The following ELFN1 variants were observed in gnomAD, a reference collection of about 807,000 sequenced individuals.
ELFN1 encodes the protein protein ELFN1.
ELFN1 carries 6 observed loss-of-function variants against 7.6 expected under a neutral mutation model. The observed-to-expected ratio is 0.79, with a 90% CI of 0.43 to 1.56. The LOEUF is 1.56. Ranked by LOEUF, ELFN1 falls within the 40% of genes most tolerant of loss-of-function variation. The probability of loss-of-function intolerance (pLI) is 0.01; values close to 1 mark genes in which losing one functional copy is unlikely to be tolerated. For missense variants in ELFN1, 1,169 were observed against 1,232.2 expected, an observed-to-expected ratio of 0.95 and a Z score of 0.77; for synonymous variants, 657 against 588.1, an observed-to-expected ratio of 1.12 and a Z score of -1.70.
intron 2 of ELFN1, among the ~76,000 whole-genome samples, chr7:1,701,673 A>T (rs1230424648): frequency 6.6e-6 from 1 of 152,092 alleles, no homozygotes; most frequent in Non-Finnish European, 1.5e-5. Flanking sequence ...ACAGATGTGC[A>T]TGCTTGTAGT....
At chr7:1,692,280 A>G (rs1221874972) in intron 2 of ELFN1, 1 of 152,420 alleles carries the variant, frequency 6.6e-6, no homozygotes, top group East Asian at 1.9e-4. Context: ...GGATTGCCAG[A>G]GGGTTCTGTG....
chr7:1,746,859 C>G lies in ELFN1; in HGVS notation c.2263C>G (p.Pro755Ala), dbSNP rs1054957619. ...CGACCTCGCCTACTCGCAGCTGTCC[C>G]CGCAGTACCACAGCCTGAGCTACTC... The part of the protein sequence containing the change: ...PRDLAYSQLS[P>A]QYHSLSYSSS... The change falls in exon 4 of 4, where the codon CCG (proline) becomes GCG (alanine). Residue 755 changes from proline (P) to alanine (A), a missense_variant. Transcript: ENST00000424383. 3.2e-6 allele frequency: 5 copies of G among 1,541,162 alleles called. No individual in the cohort carries two copies. The highest frequency in any genetic ancestry group is 4.4e-6 in the Non-Finnish European group (5 of 1,142,558).
At chr7:1,692,793 A>G (rs1208490306) in intron 2 of ELFN1, 2 of 158,068 alleles carry the variant, frequency 1.3e-5, no homozygotes, top group Non-Finnish European at 2.8e-5. Context: ...CTGAGCTTCT[A>G]TTAATATTTC....
chr7:1,745,872 C>T lies in ELFN1; in HGVS notation c.1276C>T (p.Leu426Phe), dbSNP rs1331398697. 6.9e-6 allele frequency: 11 copies of T among 1,592,692 alleles called. No individual in the cohort carries two copies. In the East Asian group the frequency reaches 2.3e-4, roughly 33 times the overall value. The change falls in exon 4 of 4, where the codon CTC (leucine) becomes TTC (phenylalanine). Residue 426 changes from leucine (L) to phenylalanine (F), a missense_variant. Leu to Phe is a conservative substitution (Grantham distance 22). Transcript: ENST00000424383. ...THYIMTILGC[L>F]FGMVLVLGAV... The stretch of plus-strand genomic sequence containing the variant: ...CTACATCATGACCATCCTGGGCTGC[C>T]TCTTCGGCATGGTGCTGGTGCTGGG...
intron 3 of ELFN1, among the ~76,000 whole-genome samples, chr7:1,729,671 C>T (rs1780284879): frequency 6.6e-6 from 1 of 152,236 alleles, no homozygotes; most frequent in South Asian, 2.1e-4. Flanking sequence ...TGTGTCTCAG[C>T]AGGGGGTGTC....
chr7:1,693,150 C>T (rs1046198393), intron 2 of ELFN1: 1 of 357,320 alleles, frequency 2.8e-6, no homozygotes, highest in Non-Finnish European at 5.6e-6. Context: ...CCCATGCAGA[C>T]CCCTAGTGAC....
At chr7:1,726,607 C>G (rs944028359) in intron 3 of ELFN1, among the ~76,000 whole-genome samples, 8 of 152,194 alleles carry the variant, frequency 5.3e-5, no homozygotes, top group Non-Finnish European at 1.0e-4. Flanking sequence ...GCCAGCCACT[C>G]GCTTCTAGCC....
chr7:1,745,999 A>G lies in ELFN1; in HGVS notation c.1403A>G (p.Glu468Gly). The G allele has an allele frequency of 6.5e-7, 1 of 1,543,930 alleles. No homozygotes were observed. The highest frequency in any genetic ancestry group is 8.8e-7 in the Non-Finnish European group (1 of 1,142,714). Residue 468 changes from glutamate (E) to glycine (G), a missense_variant, in exon 4 of 4, where the codon GAG becomes GGG. Glu to Gly is a moderately conservative substitution (Grantham distance 98). This residue lies in a region of ELFN1 where 914 missense variants were observed against 872.6 expected (regional missense o/e 1.05). Transcript: ENST00000424383. ...GGCAGCCTCAAGAAGACCATCATCGAGCTCAAGTACGGGCCAGAGCTGGAG... is the reference window on the plus strand; with the variant it reads ...GGCAGCCTCAAGAAGACCATCATCGGGCTCAAGTACGGGCCAGAGCTGGAG... ...AAGSLKKTII[E>G]LKYGPELEAP...
In ELFN1 at chr7:1,741,610, A is replaced by G. The variant is rs529632708; in HGVS notation, c.-293-2694A>G. Among the ~76,000 whole-genome samples, 275 of 152,282 alleles carry G rather than the reference A, an allele frequency of 1.8e-3. 1 individual carries two copies. Among genetic ancestry groups the G allele is most frequent in the Non-Finnish European group, 3.8e-3 (259 of 68,004 alleles). On this transcript the variant is annotated intron_variant, in intron 3 of 3. Coordinates refer to ENST00000424383, the MANE Select transcript of ELFN1 (RefSeq NM_001128636.4). ...GTGGTACGGAAAGGGCTGGCAGGGGATGAACCAGGTGAGCCAGGAAGGGGG... is the reference window on the plus strand; with the variant it reads ...GTGGTACGGAAAGGGCTGGCAGGGGGTGAACCAGGTGAGCCAGGAAGGGGG...
chr7:1,719,489 C>T (rs1032414639), intron 3 of ELFN1, among the ~76,000 whole-genome samples: 1 of 152,248 alleles, frequency 6.6e-6, no homozygotes, highest in Non-Finnish European at 1.5e-5. Context: ...CTGGACACAC[C>T]CACCCCTGGA....
chr7:1,679,142 T>TGC (rs1196363464), intron 1 of ELFN1, among the ~76,000 whole-genome samples: 3 of 151,474 alleles, frequency 2.0e-5, no homozygotes, highest in African/African-American at 7.3e-5. Flanking sequence ...CACACACGCG[T>TGC]GCGCGCACAC....
intron 1 of ELFN1, among the ~76,000 whole-genome samples, chr7:1,677,021 G>T (rs1444902541): frequency 6.6e-6 from 1 of 152,218 alleles, no homozygotes; most frequent in African/African-American, 2.4e-5. Flanking sequence ...GCCCGTACTG[G>T]GTGCCGACGC....
Position 1,695,912 on chromosome 7 carries a change from TGTATGCCGAGCCCCAGGCTG to T in ELFN1, c.-456+7765_-456+7784del, listed in dbSNP as rs1779297094. Among the ~76,000 whole-genome samples the T allele has an allele frequency of 6.6e-6, 1 of 152,162 alleles. No homozygotes were observed. The highest frequency in any genetic ancestry group is 1.5e-5 in the Non-Finnish European group (1 of 68,032). ...GAGTGTGCATTTATTAAATACCTAC[TGTATGCCGAGCCCCAGGCTG>T]GTTTAGATGTGGGGGCACAGCAGTG... On this transcript the variant is annotated intron_variant, in intron 2 of 3. Coordinates refer to ENST00000424383, the MANE Select transcript of ELFN1 (RefSeq NM_001128636.4). The surrounding 1 kb of genome is among the most constrained non-coding windows in gnomAD (Gnocchi z 5.1).
upstream of ELFN1, among the ~76,000 whole-genome samples, chr7:1,668,616 G>A (rs1193410747): frequency 6.6e-6 from 1 of 152,200 alleles, no homozygotes; most frequent in Non-Finnish European, 1.5e-5. Flanking sequence ...CTTCTCCCTA[G>A]TGGAGCTGCA....
At chr7:1,722,616 C>T (rs988044359) in intron 3 of ELFN1, among the ~76,000 whole-genome samples, 4 of 151,984 alleles carry the variant, frequency 2.6e-5, no homozygotes, top group African/African-American at 7.3e-5. Flanking sequence ...ACTTTAATAC[C>T]GTCTCTGGTG....
intron 1 of ELFN1, among the ~76,000 whole-genome samples, chr7:1,685,826 A>G (rs1228058027): frequency 6.7e-6 from 1 of 148,214 alleles, no homozygotes; most frequent in Non-Finnish European, 1.5e-5. Context: ...TAATATATAA[A>G]CCATCTTTAT....
chr7:1,677,710 G>A lies in ELFN1; in HGVS notation c.-549+7356G>A, dbSNP rs533248986. On this transcript the variant is annotated intron_variant, in intron 1 of 3. Coordinates refer to ENST00000424383, the MANE Select transcript of ELFN1 (RefSeq NM_001128636.4). ...AGCCGATGTGGGTTCATGAATGATC[G>A]TGGCTCTGATGTGAAATTCCTTCCG... 2.3e-3 allele frequency among the ~76,000 whole-genome samples: 346 copies of A among 152,160 alleles called. 1 individual carries two copies. The highest frequency in any genetic ancestry group is 8.1e-3 in the African/African-American group (335 of 41,496).
chr7:1,712,833 C>G (rs757149963), intron 3 of ELFN1, among the ~76,000 whole-genome samples: 1 of 152,224 alleles, frequency 6.6e-6, no homozygotes, highest in Non-Finnish European at 1.5e-5. Flanking sequence ...TCTTTTATCT[C>G]TTATCTTTTA....
intron 1 of ELFN1, among the ~76,000 whole-genome samples, chr7:1,677,579 C>T (rs144180433): frequency 4.3e-4 from 66 of 152,146 alleles, no homozygotes; most frequent in Admixed American, 7.8e-4. Context: ...TGTGCACACA[C>T]GTGCATGAAC....
Sources: gnomAD v4.1 joint callset for allele counts (sites outside exome capture counted in the v4.1 genomes callset) on GRCh38, gnomAD v4.1.1 for gene constraint, gnomAD v4.1.1 regional missense constraint, Gnocchi (gnomAD v3.1) non-coding constraint, MANE v1.5 for transcripts, NCBI Gene and HGNC (gene_info 2026-07-23, HGNC 2026-07-21) for gene names.